The following EXO5 variants were observed in gnomAD, a reference collection of about 807,000 sequenced individuals.
EXO5 encodes exonuclease V.
In EXO5, 11 loss-of-function variants were observed where a neutral mutation model predicts 17.8. That is an observed-to-expected ratio of 0.62 (90% CI 0.39 to 1.02). EXO5 has a LOEUF of 1.02. EXO5 is among the 50% of genes least tolerant of loss of function. The probability of loss-of-function intolerance (pLI) is 0.00; values close to 1 mark genes in which losing one functional copy is unlikely to be tolerated. For synonymous variants in EXO5, 147 were observed against 166.5 expected, an observed-to-expected ratio of 0.88 and a Z score of 0.90; for missense variants, 364 against 434.8, an observed-to-expected ratio of 0.84 and a Z score of 1.45.
chr1:40,510,385 C>G (rs1437621236), intron 3 of EXO5, among the ~76,000 whole-genome samples: 2 of 152,220 alleles, frequency 1.3e-5, no homozygotes, highest in African/African-American at 2.4e-5. Flanking sequence ...GCATTATGCT[C>G]TCTTCTGGAT....
At chr1:40,509,672 G>A (rs1418393663) in intron 2 of EXO5, 47 bp downstream of exon 2, 2 of 152,228 alleles carry the variant, frequency 1.3e-5, no homozygotes, top group Non-Finnish European at 2.9e-5. Context: ...AAGGACCTAA[G>A]TTGCTAATTT....
Position 40,514,689 on chromosome 1 carries a change from G to C in EXO5, c.145G>C (p.Glu49Gln). ...ALVNMPGPSS[E>Q]SLGKDDKPIS... ...AGTTAACATGCCTGGCCCATCTTCT[G>C]AATCCCTTGGGAAGGATGACAAACC... is the stretch of plus-strand genomic sequence containing the variant. Residue 49 changes from glutamate (E) to glutamine (Q), a missense_variant, in exon 4 of 4, where the codon GAA becomes CAA. Physicochemically the swap from Glu to Gln is conservative, Grantham distance 29 (BLOSUM62 2). Transcript: ENST00000415550. 1 of 1,614,140 alleles carries C rather than the reference G, an allele frequency of 6.2e-7. No individual in the cohort carries two copies. The highest frequency in any genetic ancestry group is 8.5e-7 in the Non-Finnish European group (1 of 1,180,008).
Position 40,515,121 on chromosome 1 carries a change from G to A in EXO5, c.577G>A (p.Glu193Lys), listed in dbSNP as rs146321391. Residue 193 changes from glutamate to lysine, a missense_variant, in exon 4 of 4, where the codon GAG becomes AAG. Physicochemically the swap from Glu to Lys is moderately conservative, Grantham distance 56. Coordinates refer to ENST00000415550, the MANE Select transcript of EXO5 (RefSeq NM_001346953.2). Reference sequence around the variant, plus strand: ...GCACTATACAGCCAAGGGGGAACTGGAGCTGGCGGAACTCAAGACACGCAG... The same window carrying A: ...GCACTATACAGCCAAGGGGGAACTGAAGCTGGCGGAACTCAAGACACGCAG... ...ELHYTAKGEL[E>K]LAELKTRRRP... is the part of the protein sequence containing the mutation. The A allele has an allele frequency of 1.5e-5, 24 of 1,614,156 alleles. No individual in the cohort carries two copies. The African/African-American group carries it at 2.7e-4, about 18-fold the overall frequency.
At chr1:40,511,320 G>A (rs1287613814) in intron 3 of EXO5, among the ~76,000 whole-genome samples, 1 of 152,164 alleles carries the variant, frequency 6.6e-6, no homozygotes, top group African/African-American at 2.4e-5. Flanking sequence ...CCAATTTTCA[G>A]AGACTTCATA....
At position 40,514,922 on chromosome 1, in the gene EXO5, AGAACTT is replaced by A; in HGVS notation, c.379_384del (p.Glu127_Leu128del). The A allele has an allele frequency of 6.2e-7, 1 of 1,614,226 alleles. No homozygotes were observed. Among genetic ancestry groups the A allele is most frequent in the Non-Finnish European group, 8.5e-7 (1 of 1,180,034 alleles). On this transcript the variant is annotated inframe_deletion, in exon 4 of 4. Transcript: ENST00000415550. ...CCAGCATACACCTAGCTAGAGAACT[AGAACTT>A]CATGATCTTGTGACTGTCCCAGTCA... is the stretch of plus-strand genomic sequence containing the variant.
At chr1:40,513,568 C>T (rs1242282557) in intron 3 of EXO5, among the ~76,000 whole-genome samples, 1 of 150,642 alleles carries the variant, frequency 6.6e-6, no homozygotes, top group Non-Finnish European at 1.5e-5. Context: ...GCAGAAAAGG[C>T]AAACCTCAAA....
rs1000779357 is a variant in EXO5, at chr1:40,508,802, A to C, written c.-370A>C. 1 of 152,146 alleles carries C rather than the reference A, an allele frequency of 6.6e-6. No individual in the cohort carries two copies. The allele number at this position is 152,146 out of a possible 1,614,324, so 9.4% of individuals were successfully genotyped here. On this transcript the variant is annotated 5_prime_UTR_variant, in exon 1 of 4. Coordinates refer to ENST00000415550, the MANE Select transcript of EXO5 (RefSeq NM_001346953.2). This position sits in a 1 kb window ranked among gnomAD's most constrained non-coding sequence, Gnocchi z 4.2. ...GGCCGACTGTGTAGTCCGCTCCGGC[A>C]GCGCGCTCTGCCCGGCTTCCTCAGT...
At chr1:40,513,126 C>T (rs1645811608) in intron 3 of EXO5, among the ~76,000 whole-genome samples, 1 of 152,078 alleles carries the variant, frequency 6.6e-6, no homozygotes, top group South Asian at 2.1e-4. Flanking sequence ...CCATTATAAG[C>T]TAGTTTCTTG....
At position 40,515,644 on chromosome 1, in the gene EXO5, C is replaced by T. The variant is rs755209175; in HGVS notation, c.1100C>T (p.Pro367Leu). Residue 367 changes from proline to leucine, a missense_variant, in exon 4 of 4, where the codon CCC (proline) becomes CTC (leucine). Physicochemically the swap from Pro to Leu is moderately conservative, Grantham distance 98 (BLOSUM62 -3). Coordinates refer to ENST00000415550, the MANE Select transcript of EXO5 (RefSeq NM_001346953.2). ...GGAGTGCTCAGCTCTACACTGGCGC[C>T]CCAAGTCAAAAAAGCCAAATGAATA... ...GSGVLSSTLA[P>L]QVKKAK 3.7e-6 allele frequency: 6 copies of T among 1,609,788 alleles called. No individual in the cohort carries two copies. Among genetic ancestry groups the T allele is most frequent in the Non-Finnish European group, 5.1e-6 (6 of 1,178,650 alleles).
chr1:40,511,884 CTTTTT>C, intron 3 of EXO5, among the ~76,000 whole-genome samples: 1 of 145,704 alleles, frequency 6.9e-6, no homozygotes, highest in African/African-American at 2.5e-5. Context: ...TTTCTTTTTT[CTTTTT>C]TTTTTTTGAG....
chr1:40,515,110 A>AG lies in EXO5; in HGVS notation c.571dup (p.Glu191GlyfsTer36). 6.2e-7 allele frequency: 1 copy of AG among 1,614,150 alleles called. No homozygotes were observed. Among genetic ancestry groups the AG allele is most frequent in the Middle Eastern group, 1.6e-4 (1 of 6,062 alleles). On this transcript the variant is annotated frameshift_variant, in exon 4 of 4. Coordinates refer to ENST00000415550, the MANE Select transcript of EXO5 (RefSeq NM_001346953.2). LOFTEE classifies it high-confidence loss of function. ...ATTGATGAGCTGCACTATACAGCCAAGGGGGAACTGGAGCTGGCGGAACTC... is the reference window on the plus strand; with the variant it reads ...ATTGATGAGCTGCACTATACAGCCAAGGGGGGAACTGGAGCTGGCGGAACTC...
chr1:40,515,694 A>T lies in EXO5; in HGVS notation c.*28A>T. 2.5e-6 allele frequency: 4 copies of T among 1,591,168 alleles called. No individual in the cohort carries two copies. The highest frequency in any genetic ancestry group is 3.4e-6 in the Non-Finnish European group (4 of 1,168,958). On this transcript the variant is annotated 3_prime_UTR_variant, in exon 4 of 4. Transcript: ENST00000415550. The stretch of plus-strand genomic sequence containing the variant: ...AGAAGGTATGCTTTCAAGAATGTTG[A>T]TCCTTCCTGCTCCTGTTGTACCTAA...
chr1:40,515,777 CTT>C lies in EXO5; in HGVS notation c.*118_*119del. On this transcript the variant is annotated 3_prime_UTR_variant, in exon 4 of 4. Coordinates refer to ENST00000415550, the MANE Select transcript of EXO5 (RefSeq NM_001346953.2). ...TATGGAGAGTGTTCTTATTTTGGTT[CTT>C]TTTTTTATTTCCACAACCTCTAACC... 8.1e-7 allele frequency: 1 copy of C among 1,235,330 alleles called. No homozygotes were observed. The highest frequency in any genetic ancestry group is 1.1e-6 in the Non-Finnish European group (1 of 894,710). 76.5% of individuals were successfully genotyped at this position (1,235,330 alleles called of 1,614,324 possible). A position where few individuals can be genotyped will look rare whatever the true frequency, so the allele number is the denominator to read the frequency against.
intron 3 of EXO5, among the ~76,000 whole-genome samples, chr1:40,510,752 A>G (rs561982124): frequency 1.3e-5 from 2 of 152,376 alleles, no homozygotes; most frequent in South Asian, 2.1e-4. Context: ...ATATATGGCT[A>G]GTGCAACTGA....
Position 40,514,497 on chromosome 1 carries a change from C to A in EXO5, c.-30-18C>A, listed in dbSNP as rs1333925175. 6.6e-7 allele frequency: 1 copy of A among 1,521,112 alleles called. No individual in the cohort carries two copies. Among genetic ancestry groups the A allele is most frequent in the Admixed American group, 2.2e-5 (1 of 44,528 alleles). 94.2% of individuals were successfully genotyped at this position (1,521,112 alleles called of 1,614,324 possible). On this transcript the variant is annotated intron_variant, in intron 3 of 3. Coordinates refer to ENST00000415550, the MANE Select transcript of EXO5 (RefSeq NM_001346953.2). ...ACGTTTTTATTTGAACAATGCATTTCTTTAACATGTTATGCAGGGCCCTTC... is the reference window on the plus strand; with the variant it reads ...ACGTTTTTATTTGAACAATGCATTTATTTAACATGTTATGCAGGGCCCTTC...
Position 40,515,839 on chromosome 1 carries a change from G to C in EXO5, c.*173G>C, listed in dbSNP as rs534683917. 24 of 637,758 alleles carry C rather than the reference G, an allele frequency of 3.8e-5. No homozygotes were observed. In the African/African-American group the frequency reaches 4.0e-4, roughly 11 times the overall value. 39.5% of individuals were successfully genotyped at this position (637,758 alleles called of 1,614,324 possible). ...CCAGGACCAAGGCTCAGGGATGAGT[G>C]GGAGAGATGGGTTATACTGTCCCTG... On this transcript the variant is annotated 3_prime_UTR_variant, in exon 4 of 4. Coordinates refer to ENST00000415550, the MANE Select transcript of EXO5 (RefSeq NM_001346953.2).
chr1:40,515,501 G>A lies in EXO5; in HGVS notation c.957G>A (p.Val319=), dbSNP rs144782632. The A allele has an allele frequency of 3.7e-6, 6 of 1,613,852 alleles. No individual in the cohort carries two copies. Among genetic ancestry groups the A allele is most frequent in the Non-Finnish European group, 5.1e-6 (6 of 1,180,022 alleles). ...AFKEKEVRAK[V]QHYMAYWMGH... is the part of the protein sequence containing the mutation. ...AAGAGAAGGAGGTGAGAGCCAAGGTGCAGCATTATATGGCCTACTGGATGG... is the reference window on the plus strand; with the variant it reads ...AAGAGAAGGAGGTGAGAGCCAAGGTACAGCATTATATGGCCTACTGGATGG... The change falls in exon 4 of 4, where the codon GTG becomes GTA. Residue 319 remains valine, a synonymous_variant. Transcript: ENST00000415550.
Position 40,514,677 on chromosome 1 carries a change from G to A in EXO5, c.133G>A (p.Gly45Ser), listed in dbSNP as rs1370880639. The A allele has an allele frequency of 6.2e-7, 1 of 1,614,138 alleles. No homozygotes were observed. The highest frequency in any genetic ancestry group is 8.5e-7 in the Non-Finnish European group (1 of 1,180,034). ...GTCAAAGGCTTTAGTTAACATGCCT[G>A]GCCCATCTTCTGAATCCCTTGGGAA... is the stretch of plus-strand genomic sequence containing the variant. ...QESKALVNMP[G>S]PSSESLGKDD... The change falls in exon 4 of 4, where the codon GGC becomes AGC. Residue 45 changes from glycine to serine, a missense_variant. Physicochemically the swap from Gly to Ser is moderately conservative, Grantham distance 56. Transcript: ENST00000415550.
rs1478134340 is a variant in EXO5, at chr1:40,514,680, C to T, written c.136C>T (p.Pro46Ser). ...ESKALVNMPG[P>S]SSESLGKDDK... Reference sequence around the variant, plus strand: ...AAAGGCTTTAGTTAACATGCCTGGCCCATCTTCTGAATCCCTTGGGAAGGA... The same window carrying T: ...AAAGGCTTTAGTTAACATGCCTGGCTCATCTTCTGAATCCCTTGGGAAGGA... The change falls in exon 4 of 4, where the codon CCA (proline) becomes TCA (serine). Residue 46 changes from proline (P) to serine (S), a missense_variant. Pro to Ser is a moderately conservative substitution (Grantham distance 74). Transcript: ENST00000415550. 1 of 1,614,142 alleles carries T rather than the reference C, an allele frequency of 6.2e-7. No homozygotes were observed. The highest frequency in any genetic ancestry group is 8.5e-7 in the Non-Finnish European group (1 of 1,180,038).
Sources: allele counts gnomAD v4.1 joint callset (sites outside exome capture counted in the v4.1 genomes callset), GRCh38; gene constraint gnomAD v4.1.1; non-coding constraint Gnocchi (gnomAD v3.1); transcripts MANE v1.5; gene names NCBI Gene and HGNC (gene_info 2026-07-23, HGNC 2026-07-21).